ROBO2: variants seen among roughly 807,000 people sequenced by gnomAD.
ROBO2 encodes roundabout guidance receptor 2.
ROBO2 carries 53 observed loss-of-function variants against 160.8 expected under a neutral mutation model. The ratio of observed to expected loss-of-function variants is 0.33; its 90% CI spans 0.26 to 0.41. ROBO2 has a LOEUF of 0.41. Ranked by LOEUF, ROBO2 falls within the 10% of genes least tolerant of loss-of-function variation. The probability of loss-of-function intolerance (pLI) is 1.00; values close to 1 mark genes in which losing one functional copy is unlikely to be tolerated. For synonymous variants in ROBO2, 664 were observed against 611.7 expected, an observed-to-expected ratio of 1.09 and a Z score of -1.26; for missense variants, 1,577 against 1,722.4, an observed-to-expected ratio of 0.92 and a Z score of 1.49.
At chr3:77,288,636 AT>A (rs145775080) in intron 2 of ROBO2, among the ~76,000 whole-genome samples, 1 of 152,018 alleles carries the variant, frequency 6.6e-6, no homozygotes, top group African/African-American at 2.4e-5. Context: ...AACATGGCAG[AT>A]TTTTTTTACA....
At chr3:76,975,324 G>A (rs760584781) in intron 2 of ROBO2, among the ~76,000 whole-genome samples, 7 of 152,094 alleles carry the variant, frequency 4.6e-5, no homozygotes, top group Non-Finnish European at 5.9e-5. Context: ...GGCCAACATG[G>A]CGAAACCCCG....
chr3:77,507,087 T>C (rs1053157689), intron 5 of ROBO2, among the ~76,000 whole-genome samples: 1 of 152,236 alleles, frequency 6.6e-6, no homozygotes, highest in Non-Finnish European at 1.5e-5. Context: ...GTAAAGAATA[T>C]CCTAATTAGA....
chr3:77,388,351 G>A (rs1189337622), intron 2 of ROBO2, among the ~76,000 whole-genome samples: 2 of 152,130 alleles, frequency 1.3e-5, no homozygotes, highest in Non-Finnish European at 2.9e-5. Flanking sequence ...GGAGATGGAA[G>A]CTACAGTAAG....
intron 2 of ROBO2, among the ~76,000 whole-genome samples, chr3:77,435,645 A>C (rs1236430327): frequency 2.6e-5 from 4 of 151,876 alleles, no homozygotes. Flanking sequence ...ATGAAAGCAA[A>C]CTAAGCAAGA....
chr3:76,689,429 C>T (rs990409653), intron 2 of ROBO2, among the ~76,000 whole-genome samples: 1 of 152,048 alleles, frequency 6.6e-6, no homozygotes, highest in African/African-American at 2.4e-5. Context: ...TTTATTAATT[C>T]ATTTGTATAT....
intron 2 of ROBO2, among the ~76,000 whole-genome samples, chr3:76,375,661 C>T (rs3849479): frequency 0.71 from 107,599 of 151,796 alleles, 38,483 homozygotes; most frequent in African/African-American, 0.8. Context: ...GAGGCACTTA[C>T]ATAACATAGA....
At chr3:77,032,005 G>A (rs2063354996) in intron 2 of ROBO2, among the ~76,000 whole-genome samples, 2 of 152,102 alleles carry the variant, frequency 1.3e-5, no homozygotes, top group Admixed American at 6.6e-5. Context: ...CATGGTGGAA[G>A]ATACTATTTC....
intron 1 of ROBO2, among the ~76,000 whole-genome samples, chr3:77,088,398 T>C (rs1286456998): frequency 7.9e-5 from 12 of 152,168 alleles, no homozygotes. Flanking sequence ...TTGTTACATT[T>C]TATTTTATTT....
chr3:77,588,654 C>T (rs760103742), intron 16 of ROBO2, 97 bp from the exon 18 acceptor site: 1 of 1,133,144 alleles, frequency 8.8e-7, no homozygotes, highest in Non-Finnish European at 1.3e-6. Flanking sequence ...GCATTTCCTG[C>T]CTTCAAATAA....
At chr3:77,044,517 G>A (rs781546608) in intron 1 of ROBO2, among the ~76,000 whole-genome samples, 3 of 148,104 alleles carry the variant, frequency 2.0e-5, no homozygotes, top group South Asian at 2.2e-4. Flanking sequence ...CTCATTCATC[G>A]TCTCTTTCCT....
chr3:76,388,246 A>G (rs1251442600), intron 2 of ROBO2, among the ~76,000 whole-genome samples: 1 of 151,648 alleles, frequency 6.6e-6, no homozygotes, highest in Non-Finnish European at 1.5e-5. Flanking sequence ...ATACAGTGTA[A>G]TTTTAGTGAT....
chr3:75,950,922 A>G (rs943519659), intron 2 of ROBO2, among the ~76,000 whole-genome samples: 2 of 152,080 alleles, frequency 1.3e-5, no homozygotes, highest in Non-Finnish European at 2.9e-5. Context: ...CTAAACTGAA[A>G]TCAGTAGGTA....
At chr3:77,517,095 T>A (rs994107205) in intron 5 of ROBO2, among the ~76,000 whole-genome samples, 1 of 151,598 alleles carries the variant, frequency 6.6e-6, no homozygotes, top group East Asian at 1.9e-4. Context: ...GGTAAAGATA[T>A]GTGCTTTGAA....
chr3:76,062,405 A>G (rs2068099526), intron 2 of ROBO2, among the ~76,000 whole-genome samples: 2 of 152,144 alleles, frequency 1.3e-5, no homozygotes, highest in South Asian at 2.1e-4. Flanking sequence ...TCCCCAAACA[A>G]TTACAGGTGT....
At position 76,753,729 on chromosome 3, in the gene ROBO2, AT is replaced by A. The variant is rs201949598; in HGVS notation, c.110-344281del. On this transcript the variant is annotated intron_variant, in intron 2 of 26. Coordinates refer to the ROBO2 transcript ENST00000487694. ...ACGCTCCAATATTTTCTGTTCTAAT[AT>A]TTTAACTTTTTTCATTAAAATTTCC... 2.0e-3 allele frequency among the ~76,000 whole-genome samples: 310 copies of A among 152,022 alleles called. 7 individuals are homozygous for A. In the East Asian group the frequency reaches 0.054, roughly 27 times the overall value.
chr3:77,579,877 A>T (rs2153675238), intron 15 of ROBO2, 70 bp from the exon 17 acceptor site: 1 of 1,339,042 alleles, frequency 7.5e-7, no homozygotes, highest in East Asian at 2.3e-5. Context: ...ATATTTGATC[A>T]GTTACAGTAG....
chr3:76,545,437 G>T (rs1460902751), intron 2 of ROBO2, among the ~76,000 whole-genome samples: 1 of 151,882 alleles, frequency 6.6e-6, no homozygotes, highest in Non-Finnish European at 1.5e-5. Context: ...ATTTCCCTTC[G>T]AAAATGTGGA....
chr3:76,725,340 T>C (rs1473858445), intron 2 of ROBO2, among the ~76,000 whole-genome samples: 1 of 152,198 alleles, frequency 6.6e-6, no homozygotes, highest in African/African-American at 2.4e-5. Context: ...ACTGCCATTG[T>C]CCTTGCACAA....
At chr3:76,255,979 T>C (rs1173533617) in intron 2 of ROBO2, among the ~76,000 whole-genome samples, 1 of 152,002 alleles carries the variant, frequency 6.6e-6, no homozygotes, top group East Asian at 1.9e-4. Context: ...TTGTATCATA[T>C]GGTATGAGTT....
Sources: allele counts gnomAD v4.1 joint callset (sites outside exome capture counted in the v4.1 genomes callset), GRCh38; gene constraint gnomAD v4.1.1; transcripts MANE v1.5; gene names NCBI Gene and HGNC (gene_info 2026-07-23, HGNC 2026-07-21).